ZC3H12B: variants seen among roughly 807,000 people sequenced by gnomAD.
ZC3H12B encodes the protein probable ribonuclease ZC3H12B.
Under a neutral mutation model 43.9 loss-of-function variants are expected in ZC3H12B, and 7 were observed. That is an observed-to-expected ratio of 0.16 (90% CI 0.09 to 0.30). The LOEUF (loss-of-function observed/expected upper bound fraction) is 0.30. Ranked by LOEUF, ZC3H12B falls within the 10% of genes least tolerant of loss-of-function variation. The pLI is 1.00. For synonymous variants in ZC3H12B, 222 were observed against 241.7 expected, an observed-to-expected ratio of 0.92 and a Z score of 0.76; for missense variants, 475 against 670.2, an observed-to-expected ratio of 0.71 and a Z score of 3.22.
the ZC3H12B span, among the ~76,000 whole-genome samples, chrX:65,287,638 C>CA: frequency 9.1e-6 from 1 of 110,418 alleles, no homozygotes; most frequent in Non-Finnish European, 1.9e-5. Flanking sequence ...GGAAATATTT[C>CA]AAAATCTGTG....
the ZC3H12B span, among the ~76,000 whole-genome samples, chrX:65,352,360 A>G: frequency 9.0e-6 from 1 of 110,945 alleles, no homozygotes; most frequent in African/African-American, 3.3e-5. Flanking sequence ...AGAAATACCT[A>G]ATGTAGGTGA....
chrX:65,322,343 A>C, the ZC3H12B span, among the ~76,000 whole-genome samples: 1 of 112,177 alleles, frequency 8.9e-6, no homozygotes, highest in Non-Finnish European at 1.9e-5. Flanking sequence ...CTCAACTCCA[A>C]TATTGGAAAT....
the ZC3H12B span, among the ~76,000 whole-genome samples, chrX:65,280,674 C>T: frequency 8.9e-6 from 1 of 111,810 alleles, no homozygotes; most frequent in African/African-American, 3.3e-5. Flanking sequence ...AATTGATAAA[C>T]AAATTCAGGA....
At chrX:65,364,469 C>T (rs764020131), upstream of ZC3H12B, among the ~76,000 whole-genome samples, 1 of 109,826 alleles carries the variant, frequency 9.1e-6, no homozygotes, top group African/African-American at 3.3e-5. Context: ...GCATCAGATC[C>T]CATCACTCAG....
chrX:65,500,749 T>G (rs750745990), intron 4 of ZC3H12B, among the ~76,000 whole-genome samples: 34 of 110,269 alleles, frequency 3.1e-4, no homozygotes, highest in Admixed American at 3.9e-4. Flanking sequence ...TTTTGTTTTT[T>G]TTTTTTAAAT....
At chrX:65,058,753 A>AC in the ZC3H12B span, among the ~76,000 whole-genome samples, 1 of 111,780 alleles carries the variant, frequency 8.9e-6, no homozygotes, top group Non-Finnish European at 1.9e-5. Context: ...CACATTGCTT[A>AC]CCTACTCAAG....
intron 2 of ZC3H12B, among the ~76,000 whole-genome samples, chrX:65,378,941 T>C (rs917960730): frequency 3.6e-5 from 4 of 112,580 alleles, no homozygotes; most frequent in African/African-American, 1.3e-4. Context: ...ATCCCCCACA[T>C]GGTTCAGAGG....
the ZC3H12B span, among the ~76,000 whole-genome samples, chrX:65,061,265 GT>G: frequency 3.6e-5 from 4 of 111,185 alleles, no homozygotes; most frequent in African/African-American, 1.3e-4. Flanking sequence ...CGTCATCTAG[GT>G]TTTAAACTCC....
intron 2 of ZC3H12B, among the ~76,000 whole-genome samples, chrX:65,375,138 T>C (rs1023398963): frequency 1.2e-4 from 13 of 111,555 alleles, no homozygotes; most frequent in Non-Finnish European, 1.7e-4. Flanking sequence ...GGTACAGCGG[T>C]TGTGAAACCT....
At chrX:65,335,709 G>A in the ZC3H12B span, among the ~76,000 whole-genome samples, 2 of 111,866 alleles carry the variant, frequency 1.8e-5, no homozygotes, top group African/African-American at 6.5e-5. Flanking sequence ...GCATTGGGCA[G>A]CTTTCATTGC....
chrX:65,243,282 G>C, the ZC3H12B span, among the ~76,000 whole-genome samples: 1 of 112,172 alleles, frequency 8.9e-6, no homozygotes, highest in Admixed American at 9.4e-5. Flanking sequence ...AACAATAAAT[G>C]TTCTGTTTTA....
the ZC3H12B span, among the ~76,000 whole-genome samples, chrX:65,172,689 C>A: frequency 1.9e-4 from 21 of 112,065 alleles, no homozygotes; most frequent in Non-Finnish European, 3.6e-4. Flanking sequence ...GGAATCCTTT[C>A]TACATTGTTT....
chrX:65,306,627 G>A, the ZC3H12B span, among the ~76,000 whole-genome samples: 3 of 111,395 alleles, frequency 2.7e-5, no homozygotes, highest in Non-Finnish European at 1.9e-5. Flanking sequence ...CACCCGCCTC[G>A]GCCTCCCAAA....
the ZC3H12B span, among the ~76,000 whole-genome samples, chrX:65,203,049 G>A: frequency 1.8e-5 from 2 of 111,337 alleles, no homozygotes; most frequent in African/African-American, 6.5e-5. Context: ...GTTCTGTCTG[G>A]CTACTGCCAA....
the ZC3H12B span, among the ~76,000 whole-genome samples, chrX:65,068,912 T>G: frequency 1.1e-3 from 123 of 110,809 alleles, no homozygotes; most frequent in South Asian, 4.9e-3. Flanking sequence ...GTTAAAAGTT[T>G]TTTTTTTTTT....
chrX:65,435,059 C>T (rs1360647472), intron 3 of ZC3H12B, among the ~76,000 whole-genome samples: 1 of 112,073 alleles, frequency 8.9e-6, no homozygotes, highest in Non-Finnish European at 1.9e-5. Flanking sequence ...AGTAGACAGC[C>T]TACAAGGTTG....
chrX:65,223,303 TAAAA>T, the ZC3H12B span, among the ~76,000 whole-genome samples: 4 of 100,410 alleles, frequency 4.0e-5, no homozygotes, highest in African/African-American at 7.2e-5. Flanking sequence ...GACGCCGTCT[TAAAA>T]AAAAAAAAAA....
At chrX:65,269,115 G>A in the ZC3H12B span, among the ~76,000 whole-genome samples, 1 of 111,379 alleles carries the variant, frequency 9.0e-6, no homozygotes, top group African/African-American at 3.3e-5. Context: ...GGGAGGCTGA[G>A]GTGGGTGGAT....
chrX:65,461,808 A>G (rs1030859747), intron 3 of ZC3H12B, among the ~76,000 whole-genome samples: 12 of 110,950 alleles, frequency 1.1e-4, no homozygotes, highest in Non-Finnish European at 1.5e-4. Context: ...TATATGTAAC[A>G]AACCTGCACG....
Sources: gnomAD v4.1 joint callset for allele counts (sites outside exome capture counted in the v4.1 genomes callset) on GRCh38, gnomAD v4.1.1 for gene constraint, MANE v1.5 for transcripts, NCBI Gene and HGNC (gene_info 2026-07-23, HGNC 2026-07-21) for gene names.